STK39: variants seen among roughly 807,000 people sequenced by gnomAD.
The protein encoded by STK39 is STE20/SPS1-related proline-alanine-rich protein kinase.
Under a neutral mutation model 77.8 loss-of-function variants are expected in STK39, and 20 were observed. That is an observed-to-expected ratio of 0.26 (90% CI 0.18 to 0.37). The LOEUF (loss-of-function observed/expected upper bound fraction) is 0.37, where lower values mean the gene tolerates loss of function less well. Among genes scored for constraint, STK39 ranks in the 10% least tolerant of loss-of-function variants. The pLI is 1.00. For missense variants in STK39, 479 were observed against 656.5 expected (o/e 0.73, Z 2.95); for synonymous variants, 246 against 234.1 (o/e 1.05, Z -0.47).
intron 16 of STK39, among the ~76,000 whole-genome samples, chr2:167,978,377 C>T (rs1683335217): frequency 6.6e-6 from 1 of 152,148 alleles, no homozygotes; most frequent in African/African-American, 2.4e-5. Context: ...TAATGGCCTA[C>T]TCCCAGGAAT....
At chr2:168,240,946 C>T (rs1160139756) in intron 1 of STK39, among the ~76,000 whole-genome samples, 2 of 152,168 alleles carry the variant, frequency 1.3e-5, no homozygotes, top group Non-Finnish European at 2.9e-5. Flanking sequence ...CTGCAGTGTC[C>T]ACTGGCTCTG....
chr2:168,002,583 CT>C lies in STK39; in HGVS notation c.1498+10050del, dbSNP rs564255841. 8.0e-4 allele frequency among the ~76,000 whole-genome samples: 121 copies of C among 152,144 alleles called. 1 individual carries two copies. Among genetic ancestry groups the C allele is most frequent in the African/African-American group, 2.8e-3 (116 of 41,518 alleles). On this transcript the variant is annotated intron_variant, in intron 16 of 17. Coordinates refer to ENST00000355999, the MANE Select transcript of STK39 (RefSeq NM_013233.3). ...CTTCTGATTTAGTTTTCTAGGAATT[CT>C]TTTTTTTCTAGGAATTCTTTCCTCC...
chr2:167,984,424 G>A (rs181033431), intron 16 of STK39, among the ~76,000 whole-genome samples: 3 of 152,244 alleles, frequency 2.0e-5, no homozygotes, highest in East Asian at 1.9e-4. Context: ...AGCATTCCAC[G>A]TAGCCAAAGA....
At chr2:167,980,709 T>C (rs941477830) in intron 16 of STK39, among the ~76,000 whole-genome samples, 2 of 151,294 alleles carry the variant, frequency 1.3e-5, no homozygotes, top group Admixed American at 1.3e-4. Context: ...TATGCGGCAC[T>C]GCTCTGGGGA....
chr2:168,188,737 G>A (rs954511769), intron 1 of STK39, among the ~76,000 whole-genome samples: 1 of 152,180 alleles, frequency 6.6e-6, no homozygotes. Flanking sequence ...TTATCACAGC[G>A]ACTCTTCTGT....
intron 14 of STK39, among the ~76,000 whole-genome samples, chr2:168,021,804 G>C (rs1038975570): frequency 2.0e-5 from 3 of 149,054 alleles, no homozygotes; most frequent in African/African-American, 7.4e-5. Context: ...TTTTTAAGTA[G>C]GTGATACAAT....
chr2:167,967,558 T>A (rs190753440), intron 16 of STK39, among the ~76,000 whole-genome samples: 9 of 152,192 alleles, frequency 5.9e-5, no homozygotes, highest in Non-Finnish European at 1.2e-4. Flanking sequence ...TAAGGTATGA[T>A]AAGTATTGTT....
rs965336304 is a variant in STK39 at position 167,954,062 on chromosome 2, G to A, written c.*1434C>T. Reference sequence around the variant, plus strand: ...CTTTTATTTTCCTTTTACCTTTGCAGTCATCTTCGAGTAATCGTTGTGTAA... The same window carrying A: ...CTTTTATTTTCCTTTTACCTTTGCAATCATCTTCGAGTAATCGTTGTGTAA... On this transcript the variant is annotated 3_prime_UTR_variant, in exon 18 of 18. Coordinates refer to ENST00000355999, the MANE Select transcript of STK39 (RefSeq NM_013233.3). 2 of 152,580 alleles carry A rather than the reference G, an allele frequency of 1.3e-5. No homozygotes were observed. Among genetic ancestry groups the A allele is most frequent in the Admixed American group, 6.5e-5 (1 of 15,280 alleles). 9.5% of individuals were successfully genotyped at this position (152,580 alleles called of 1,614,324 possible). A position where few individuals can be genotyped will look rare whatever the true frequency, so the allele number is the denominator to read the frequency against.
intron 10 of STK39, among the ~76,000 whole-genome samples, chr2:168,091,643 C>T (rs1686527842): frequency 6.6e-6 from 1 of 152,170 alleles, no homozygotes; most frequent in Admixed American, 6.5e-5. Flanking sequence ...AAAAACAGAC[C>T]TTCAACTTTC....
intron 1 of STK39, among the ~76,000 whole-genome samples, chr2:168,196,767 G>A (rs1689480326): frequency 6.6e-6 from 1 of 152,156 alleles, no homozygotes; most frequent in South Asian, 2.1e-4. Flanking sequence ...GGTGACATGT[G>A]GGCTGACAAG....
chr2:167,986,394 A>G (rs1021972097), intron 16 of STK39, among the ~76,000 whole-genome samples: 3 of 152,194 alleles, frequency 2.0e-5, no homozygotes, highest in African/African-American at 7.2e-5. Flanking sequence ...CCTTGCAATG[A>G]TATCACAATT....
chr2:167,995,750 G>A (rs751476286), intron 16 of STK39, among the ~76,000 whole-genome samples: 28 of 152,122 alleles, frequency 1.8e-4, no homozygotes, highest in Admixed American at 6.5e-4. Context: ...ATTTAGGCTC[G>A]GTATAAAGCC....
At chr2:168,185,022 A>G (rs1034565895) in intron 1 of STK39, among the ~76,000 whole-genome samples, 3 of 152,208 alleles carry the variant, frequency 2.0e-5, no homozygotes, top group African/African-American at 7.2e-5. Flanking sequence ...AGGAAGCTAA[A>G]AAATGTGGGG....
At chr2:168,227,807 A>G (rs4322809) in intron 1 of STK39, among the ~76,000 whole-genome samples, 1 of 152,136 alleles carries the variant, frequency 6.6e-6, no homozygotes, top group East Asian at 1.9e-4. Context: ...ACAGGCACCC[A>G]CCACCACTCT....
intron 1 of STK39, among the ~76,000 whole-genome samples, chr2:168,194,679 A>G (rs1186696087): frequency 1.3e-5 from 2 of 152,242 alleles, no homozygotes; most frequent in East Asian, 3.8e-4. Flanking sequence ...ATTAATCCAG[A>G]AAACATGATA....
chr2:167,970,919 C>T (rs1692321967), intron 16 of STK39, among the ~76,000 whole-genome samples: 1 of 152,162 alleles, frequency 6.6e-6, no homozygotes, highest in Non-Finnish European at 1.5e-5. Context: ...CATAAGGCAC[C>T]CCTGGAGTCT....
rs1052265324 is a variant in STK39 at position 168,187,791 on chromosome 2, CTTTT to C, written c.209-5705_209-5702del. ...ACAATGTAGCAATAAACATCTAGTA[CTTTT>C]TTTAAAAAAATTAGTCCATAAGAAC... On this transcript the variant is annotated intron_variant, in intron 1 of 17. Coordinates refer to ENST00000355999, the MANE Select transcript of STK39 (RefSeq NM_013233.3). 1.3e-5 allele frequency among the ~76,000 whole-genome samples: 2 copies of C among 152,176 alleles called. 1 individual carries two copies. Among genetic ancestry groups the C allele is most frequent in the Admixed American group, 1.3e-4 (2 of 15,282 alleles).
chr2:168,038,641 AGAGT>A (rs1419454451), intron 14 of STK39, among the ~76,000 whole-genome samples: 4 of 152,296 alleles, frequency 2.6e-5, no homozygotes, highest in African/African-American at 9.6e-5. Context: ...TGCAAGCCAC[AGAGT>A]GAGAAAAATA....
At chr2:168,042,968 T>C (rs1427271990) in intron 14 of STK39, among the ~76,000 whole-genome samples, 1 of 152,158 alleles carries the variant, frequency 6.6e-6, no homozygotes, top group East Asian at 1.9e-4. Context: ...AAATACTATG[T>C]AAATGTTAAA....
Sources: gnomAD v4.1 joint callset for allele counts (sites outside exome capture counted in the v4.1 genomes callset) on GRCh38, gnomAD v4.1.1 for gene constraint, MANE v1.5 for transcripts, NCBI Gene and HGNC (gene_info 2026-07-23, HGNC 2026-07-21) for gene names.